TBC1D5: variants seen among roughly 807,000 people sequenced by gnomAD.
TBC1D5 encodes TBC1 domain family member 5, also known as TBC1 domain family, member 5.
TBC1D5 carries 75 observed loss-of-function variants against 100.3 expected under a neutral mutation model. The ratio of observed to expected loss-of-function variants is 0.75; its 90% CI spans 0.62 to 0.91. The LOEUF (loss-of-function observed/expected upper bound fraction) is 0.91, where lower values mean the gene tolerates loss of function less well. TBC1D5 is among the 40% of genes least tolerant of loss of function. The pLI is 0.00. For missense variants in TBC1D5, 910 were observed against 942.4 expected (o/e 0.97, Z 0.45); for synonymous variants, 323 against 325.6 (o/e 0.99, Z 0.09).
chr3:17,598,236 C>T (rs1391603657), intron 2 of TBC1D5, among the ~76,000 whole-genome samples: 1 of 152,130 alleles, frequency 6.6e-6, no homozygotes, highest in Non-Finnish European at 1.5e-5. Flanking sequence ...TTGTTCATTT[C>T]CTGTGGTAGG....
chr3:17,701,593 C>T (rs922892177), intron 1 of TBC1D5, among the ~76,000 whole-genome samples: 2 of 152,048 alleles, frequency 1.3e-5, no homozygotes, highest in African/African-American at 4.8e-5. Context: ...CAAGATAGCG[C>T]CACTGCACTC....
At chr3:17,480,507 G>C (rs780457042) in intron 3 of TBC1D5, among the ~76,000 whole-genome samples, 1 of 152,194 alleles carries the variant, frequency 6.6e-6, no homozygotes, top group Non-Finnish European at 1.5e-5. Flanking sequence ...ACCCAGCCAG[G>C]ACTACCAGCT....
intron 1 of TBC1D5, among the ~76,000 whole-genome samples, chr3:17,674,748 T>C (rs1165708870): frequency 1.3e-5 from 2 of 152,016 alleles, no homozygotes; most frequent in Non-Finnish European, 2.9e-5. Context: ...CAATATAACA[T>C]AGAAAGTACA....
intron 1 of TBC1D5, among the ~76,000 whole-genome samples, chr3:17,672,195 C>T (rs2068020399): frequency 1.3e-5 from 2 of 151,836 alleles, no homozygotes; most frequent in South Asian, 2.1e-4. Flanking sequence ...TGATTTTTTG[C>T]AAAATATAAA....
intron 14 of TBC1D5, among the ~76,000 whole-genome samples, chr3:17,294,430 C>G (rs775769936): frequency 6.6e-6 from 1 of 152,036 alleles, no homozygotes; most frequent in African/African-American, 2.4e-5. Flanking sequence ...TGCTATGTTG[C>G]CAGGCTGGTC....
chr3:17,703,708 T>C (rs1406920420), intron 1 of TBC1D5, among the ~76,000 whole-genome samples: 1 of 152,036 alleles, frequency 6.6e-6, no homozygotes, highest in Non-Finnish European at 1.5e-5. Flanking sequence ...CACCTAAACA[T>C]CCCTAAATAA....
chr3:17,441,326 C>T lies in TBC1D5; in HGVS notation c.98-12807G>A, dbSNP rs943511892. On this transcript the variant is annotated intron_variant, in intron 3 of 21. Transcript: ENST00000253692. Reference sequence around the variant, plus strand: ...ACACAAGAGAATAAATTTGTAAGTTCGGATAATTATAAGAGCTGTAAATAA... The same window carrying T: ...ACACAAGAGAATAAATTTGTAAGTTTGGATAATTATAAGAGCTGTAAATAA... 1.3e-4 allele frequency among the ~76,000 whole-genome samples: 20 copies of T among 151,942 alleles called. 1 individual carries two copies. The highest frequency in any genetic ancestry group is 9.8e-4 in the Admixed American group (15 of 15,266).
chr3:17,440,631 A>AT (rs950104209), intron 3 of TBC1D5, among the ~76,000 whole-genome samples: 13 of 151,750 alleles, frequency 8.6e-5, no homozygotes, highest in Admixed American at 1.3e-4. Context: ...AAACATATAC[A>AT]TTTTTTGTTT....
intron 3 of TBC1D5, among the ~76,000 whole-genome samples, chr3:17,477,829 A>G (rs2095456822): frequency 6.6e-6 from 1 of 152,072 alleles, no homozygotes; most frequent in Admixed American, 6.5e-5. Context: ...ATTTTACTGA[A>G]CTGAACTCTA....
chr3:17,268,072 A>G (rs903694495), intron 15 of TBC1D5, among the ~76,000 whole-genome samples: 4 of 151,980 alleles, frequency 2.6e-5, no homozygotes, highest in Non-Finnish European at 5.9e-5. Context: ...TATATAGGGG[A>G]AAGTATGTCA....
chr3:17,729,277 T>C (rs1182644338), intron 1 of TBC1D5, among the ~76,000 whole-genome samples: 1 of 149,894 alleles, frequency 6.7e-6, no homozygotes, highest in African/African-American at 2.5e-5. Context: ...TACCCTCTCA[T>C]ACAATAATCT....
intron 16 of TBC1D5, among the ~76,000 whole-genome samples, chr3:17,245,810 A>C (rs1214703951): frequency 6.6e-6 from 1 of 152,234 alleles, no homozygotes; most frequent in African/African-American, 2.4e-5. Flanking sequence ...TGAATTATTT[A>C]TTTGAACTAT....
At chr3:17,678,894 A>C (rs1454923908) in intron 1 of TBC1D5, among the ~76,000 whole-genome samples, 1 of 150,810 alleles carries the variant, frequency 6.6e-6, no homozygotes, top group African/African-American at 2.5e-5. Flanking sequence ...AGTGGTGGAC[A>C]AAAAAAAGTG....
intron 1 of TBC1D5, among the ~76,000 whole-genome samples, chr3:17,656,368 C>T (rs1431919369): frequency 6.6e-6 from 1 of 152,204 alleles, no homozygotes; most frequent in African/African-American, 2.4e-5. Flanking sequence ...AACCTCCCTT[C>T]TGCCTTAGTT....
At chr3:17,719,965 C>A (rs2075557558) in intron 1 of TBC1D5, among the ~76,000 whole-genome samples, 1 of 152,046 alleles carries the variant, frequency 6.6e-6, no homozygotes, top group Admixed American at 6.6e-5. Context: ...GGGATTACCT[C>A]CAAGATCAAA....
At chr3:17,605,743 A>C (rs2061297579) in intron 2 of TBC1D5, among the ~76,000 whole-genome samples, 1 of 152,198 alleles carries the variant, frequency 6.6e-6, no homozygotes. Flanking sequence ...TAACATGCTC[A>C]ATTGTGACCG....
chr3:17,604,288 C>A (rs1208510114), intron 2 of TBC1D5, among the ~76,000 whole-genome samples: 1 of 152,122 alleles, frequency 6.6e-6, no homozygotes, highest in Non-Finnish European at 1.5e-5. Context: ...CCCAGAATTT[C>A]CTTATGAAGA....
chr3:17,607,151 T>C (rs1220561205), intron 2 of TBC1D5, among the ~76,000 whole-genome samples: 1 of 152,144 alleles, frequency 6.6e-6, no homozygotes, highest in Non-Finnish European at 1.5e-5. Context: ...TTACCAAAAA[T>C]AATTGTTAAA....
intron 18 of TBC1D5, among the ~76,000 whole-genome samples, chr3:17,190,662 A>G (rs957623180): frequency 6.6e-6 from 1 of 152,178 alleles, no homozygotes; most frequent in Non-Finnish European, 1.5e-5. Flanking sequence ...AACACACACC[A>G]TGCTGACAGA....
Sources: gnomAD v4.1 joint callset for allele counts (sites outside exome capture counted in the v4.1 genomes callset) on GRCh38, gnomAD v4.1.1 for gene constraint, MANE v1.5 for transcripts, NCBI Gene and HGNC (gene_info 2026-07-23, HGNC 2026-07-21) for gene names.